Variants in NCAPG2 observed in about 807,000 individuals in gnomAD.
NCAPG2 encodes non-SMC condensin II complex subunit G2.
NCAPG2 carries 53 observed loss-of-function variants against 141.1 expected under a neutral mutation model. The ratio of observed to expected loss-of-function variants is 0.38; its 90% CI spans 0.30 to 0.47. The LOEUF (loss-of-function observed/expected upper bound fraction) is 0.47. Among genes scored for constraint, NCAPG2 ranks in the 20% least tolerant of loss-of-function variants. NCAPG2 has a pLI of 0.99. For synonymous variants in NCAPG2, 499 were observed against 490.7 expected, an observed-to-expected ratio of 1.02 and a Z score of -0.22; for missense variants, 1,087 against 1,389.0, an observed-to-expected ratio of 0.78 and a Z score of 3.46.
intron 2 of NCAPG2, among the ~76,000 whole-genome samples, chr7:158,698,252 A>T (rs1193744539): frequency 6.6e-6 from 1 of 152,348 alleles, no homozygotes; most frequent in Admixed American, 6.5e-5. Flanking sequence ...ATTATTGAAG[A>T]AAAATGTTTT....
chr7:158,696,338 TC>T (rs1313615705), intron 2 of NCAPG2: 4 of 152,216 alleles, frequency 2.6e-5, no homozygotes. Context: ...GGCCACTTCC[TC>T]AATATTCCGT....
At chr7:158,694,910 C>A (rs138026456) in intron 2 of NCAPG2, among the ~76,000 whole-genome samples, 1 of 152,180 alleles carries the variant, frequency 6.6e-6, no homozygotes, top group Non-Finnish European at 1.5e-5. Context: ...TTTCCTTAAG[C>A]CTTTGCCTGT....
intron 23 of NCAPG2, among the ~76,000 whole-genome samples, chr7:158,651,494 C>T (rs1052601306): frequency 2.0e-5 from 3 of 152,064 alleles, no homozygotes; most frequent in Admixed American, 6.5e-5. Flanking sequence ...CAAAGGACAC[C>T]GAGTCTTCAA....
In NCAPG2 at chr7:158,701,832, A is replaced by C; in HGVS notation, c.68T>G (p.Val23Gly). Residue 23 changes from valine (V) to glycine (G), a missense_variant, in exon 2 of 28, where the codon GTT becomes GGT. Val to Gly is a moderately radical substitution (Grantham distance 109). Transcript: ENST00000356309. Reference protein sequence around the residue: ...KELVGEFLQFVQLDKEASDPF... With the variant: ...KELVGEFLQFGQLDKEASDPF... The stretch of plus-strand genomic sequence containing the variant: ...AAACATGAAACTTACATCAAGTTGA[A>C]CAAATTGCAAAAACTCTCCAACCAG... 1.2e-6 allele frequency: 2 copies of C among 1,613,118 alleles called. No homozygotes were observed. Among genetic ancestry groups the C allele is most frequent in the Non-Finnish European group, 1.7e-6 (2 of 1,179,692 alleles).
chr7:158,689,326 C>T (rs560019178), intron 6 of NCAPG2, among the ~76,000 whole-genome samples: 1 of 152,258 alleles, frequency 6.6e-6, no homozygotes, highest in South Asian at 2.1e-4. Flanking sequence ...TATGGCTAAT[C>T]TCAGTTCAGT....
At chr7:158,663,776 C>T (rs895798750) in intron 15 of NCAPG2, among the ~76,000 whole-genome samples, 2 of 152,196 alleles carry the variant, frequency 1.3e-5, no homozygotes, top group South Asian at 2.1e-4. Context: ...TTGTCTAAGT[C>T]TTAAACGTTA....
Position 158,692,856 on chromosome 7 carries a change from A to G in NCAPG2, c.368T>C (p.Val123Ala). 3 of 1,562,484 alleles carry G rather than the reference A, an allele frequency of 1.9e-6. No homozygotes were observed. The highest frequency in any genetic ancestry group is 2.6e-6 in the Non-Finnish European group (3 of 1,138,860). ...SENYEALLEC[V>A]IILNGILYAL... ...AATCAACTCACCATTTAATATAATA[A>G]CACATTCCAGTAGGGCTTCGTAGTT... The change falls in exon 4 of 28, where the codon GTT becomes GCT. Residue 123 changes from valine (V) to alanine (A), a missense_variant. Val to Ala is a moderately conservative substitution (Grantham distance 64, BLOSUM62 0). Coordinates refer to ENST00000356309, the MANE Select transcript of NCAPG2 (RefSeq NM_017760.7).
At chr7:158,684,860 T>C (rs977723304) in intron 8 of NCAPG2, among the ~76,000 whole-genome samples, 1 of 152,244 alleles carries the variant, frequency 6.6e-6, no homozygotes, top group African/African-American at 2.4e-5. Context: ...GCCTATTTTT[T>C]ATTTTCTAGA....
At chr7:158,671,375 A>C in intron 13 of NCAPG2, 139 bp downstream of exon 13, 3 of 1,124,132 alleles carry the variant, frequency 2.7e-6, no homozygotes, top group Admixed American at 4.5e-5. Context: ...AAAACACAAA[A>C]TAACATTTTT....
chr7:158,637,202 C>T (rs1365252282), intron 27 of NCAPG2, among the ~76,000 whole-genome samples: 1 of 152,202 alleles, frequency 6.6e-6, no homozygotes, highest in Non-Finnish European at 1.5e-5. Flanking sequence ...CTGCCTTGGC[C>T]TCCCAAAGTG....
chr7:158,638,001 G>A (rs550496353), intron 27 of NCAPG2, among the ~76,000 whole-genome samples: 15 of 152,114 alleles, frequency 9.9e-5, no homozygotes, highest in Middle Eastern at 3.4e-3. Context: ...AAAATTAGCC[G>A]GGCATGGTGG....
At chr7:158,648,487 C>A (rs1420553511) in intron 24 of NCAPG2, among the ~76,000 whole-genome samples, 1 of 123,762 alleles carries the variant, frequency 8.1e-6, no homozygotes, top group African/African-American at 2.8e-5. Context: ...TCATTAAAGT[C>A]AAATGGACTA....
intron 16 of NCAPG2, among the ~76,000 whole-genome samples, chr7:158,659,344 A>AAG (rs1554556423): frequency 6.6e-6 from 1 of 151,290 alleles, no homozygotes. Flanking sequence ...AAAAAAAAAA[A>AAG]AAGAAGAAAA....
At chr7:158,632,598 C>T (rs1829963518) in intron 27 of NCAPG2, among the ~76,000 whole-genome samples, 1 of 152,218 alleles carries the variant, frequency 6.6e-6, no homozygotes, top group African/African-American at 2.4e-5. Flanking sequence ...CTATTGTCTT[C>T]CTGTGTCCAG....
intron 16 of NCAPG2, among the ~76,000 whole-genome samples, chr7:158,661,842 G>C (rs1832534014): frequency 6.6e-6 from 1 of 152,172 alleles, no homozygotes; most frequent in Admixed American, 6.5e-5. Flanking sequence ...ACTGCCCACA[G>C]AACTTGAGTA....
At chr7:158,682,991 T>G (rs1188534447) in intron 9 of NCAPG2, among the ~76,000 whole-genome samples, 2 of 152,170 alleles carry the variant, frequency 1.3e-5, no homozygotes, top group South Asian at 2.1e-4. Flanking sequence ...TAATTTCAAA[T>G]ACCCTCTAGG....
chr7:158,639,218 C>T (rs1830479396), intron 27 of NCAPG2, among the ~76,000 whole-genome samples: 1 of 152,066 alleles, frequency 6.6e-6, no homozygotes, highest in Non-Finnish European at 1.5e-5. Flanking sequence ...AGTGATCCTC[C>T]CACCTCAGCC....
intron 24 of NCAPG2, among the ~76,000 whole-genome samples, chr7:158,648,519 T>TGGACTAC (rs1336640780): frequency 9.5e-6 from 1 of 105,380 alleles, no homozygotes; most frequent in Non-Finnish European, 2.0e-5. Context: ...GAATGGACTA[T>TGGACTAC]AACCACGCCA....
chr7:158,656,664 G>A lies in NCAPG2; in HGVS notation c.2102C>T (p.Ala701Val), dbSNP rs746359731. 2.7e-5 allele frequency: 44 copies of A among 1,614,126 alleles called. No individual in the cohort carries two copies. The highest frequency in any genetic ancestry group is 3.6e-5 in the Non-Finnish European group (42 of 1,180,042). Residue 701 changes from alanine to valine, a missense_variant, in exon 18 of 28, where the codon GCT becomes GTT. By Grantham distance (64) the Ala-to-Val change is moderately conservative. Coordinates refer to ENST00000356309, the MANE Select transcript of NCAPG2 (RefSeq NM_017760.7). The part of the protein sequence containing the change: ...ISTLRSREEG[A>V]VDKSYCTLLD... Reference sequence around the variant, plus strand: ...CAAAGTGCAGTAGCTCTTGTCCACAGCGCCCTCCTCCCGGCTTCTCAGCGT... The same window carrying A: ...CAAAGTGCAGTAGCTCTTGTCCACAACGCCCTCCTCCCGGCTTCTCAGCGT...
Sources: allele counts gnomAD v4.1 joint callset (sites outside exome capture counted in the v4.1 genomes callset), GRCh38; gene constraint gnomAD v4.1.1; transcripts MANE v1.5; gene names NCBI Gene and HGNC (gene_info 2026-07-23, HGNC 2026-07-21).